The following AGR3 variants were observed in gnomAD, a reference collection of about 807,000 sequenced individuals.
AGR3 encodes anterior gradient 3, protein disulphide isomerase family member.
AGR3 carries 37 observed loss-of-function variants against 24.5 expected under a neutral mutation model. That is an observed-to-expected ratio of 1.51 (90% CI 1.16 to 1.99). AGR3 has a LOEUF of 1.99. Ranked by LOEUF, AGR3 falls within the 30% of genes most tolerant of loss-of-function variation. The pLI is 0.00. For missense variants in AGR3, 228 were observed against 191.1 expected (o/e 1.19, Z -1.14); for synonymous variants, 75 against 61.6 (o/e 1.22, Z -1.02).
At chr7:16,864,474 G>T in intron 3 of AGR3, 1 of 1,272,116 alleles carries the variant, frequency 7.9e-7, no homozygotes, top group Non-Finnish European at 1.2e-6. Context: ...CATCTCCACT[G>T]TCAGGGTCGA....
At position 16,861,414 on chromosome 7, in the gene AGR3, C is replaced by A. The variant is rs1781640567; in HGVS notation, c.337G>T (p.Gly113Trp). Residue 113 changes from glycine (G) to tryptophan (W), a missense_variant, in exon 6 of 8, where the codon GGG becomes TGG. By Grantham distance (184) the Gly-to-Trp change is radical. Coordinates refer to ENST00000310398, the MANE Select transcript of AGR3 (RefSeq NM_176813.5). ...ETTDKNLSPDGQYVPRIMFVD... is the reference protein window; with the variant it reads ...ETTDKNLSPDWQYVPRIMFVD... ...AACATGATTCTAGGCACATATTGCC[C>A]ATCAGGTGATAAATTCTTATCAGTG... The A allele has an allele frequency of 1.9e-6, 3 of 1,609,964 alleles. No individual in the cohort carries two copies. Among genetic ancestry groups the A allele is most frequent in the East Asian group, 2.2e-5 (1 of 44,660 alleles).
At chr7:16,864,734 T>C (rs192728166) in intron 3 of AGR3, 3 of 1,450,684 alleles carry the variant, frequency 2.1e-6, no homozygotes, top group African/African-American at 2.8e-5. Context: ...CACTGCGGTG[T>C]GTGCGAGGGT....
intron 3 of AGR3, among the ~76,000 whole-genome samples, chr7:16,871,719 A>C (rs979355719): frequency 3.3e-5 from 5 of 152,060 alleles, no homozygotes; most frequent in African/African-American, 4.8e-5. Context: ...GCATGTGCCT[A>C]TAATCCCAGC....
chr7:16,876,858 C>G (rs1306581709), intron 2 of AGR3, among the ~76,000 whole-genome samples: 4 of 152,094 alleles, frequency 2.6e-5, no homozygotes, highest in Non-Finnish European at 5.9e-5. Context: ...AATGTTGATG[C>G]CTTGACGTAT....
At chr7:16,870,257 T>G (rs1347401151) in intron 3 of AGR3, among the ~76,000 whole-genome samples, 6 of 152,128 alleles carry the variant, frequency 3.9e-5, no homozygotes, top group Non-Finnish European at 7.4e-5. Flanking sequence ...AAATATCAAT[T>G]TATTCTCATC....
chr7:16,855,200 T>C (rs753652864), downstream of AGR3, among the ~76,000 whole-genome samples: 1 of 152,336 alleles, frequency 6.6e-6, no homozygotes, highest in Admixed American at 6.5e-5. Context: ...TACAGTACTA[T>C]AGGACACTAA....
At chr7:16,865,491 G>T in intron 3 of AGR3, 1 of 723,242 alleles carries the variant, frequency 1.4e-6, no homozygotes, top group South Asian at 1.5e-5. Context: ...AATTTCTTTG[G>T]GGAACAAGAA....
intron 3 of AGR3, chr7:16,865,185 GT>G (rs1323623498): frequency 9.3e-6 from 7 of 749,572 alleles, no homozygotes; most frequent in Admixed American, 6.6e-5. Context: ...AACCCTATCA[GT>G]TTTTTTTCTT....
At chr7:16,866,513 T>C (rs923137368) in intron 3 of AGR3, among the ~76,000 whole-genome samples, 2 of 152,066 alleles carry the variant, frequency 1.3e-5, no homozygotes, top group Non-Finnish European at 2.9e-5. Flanking sequence ...TGAGTCAGAG[T>C]GTGTGCATTT....
intron 3 of AGR3, among the ~76,000 whole-genome samples, chr7:16,867,443 G>A (rs1358100551): frequency 6.6e-6 from 1 of 152,018 alleles, no homozygotes; most frequent in Non-Finnish European, 1.5e-5. Context: ...TTTGATATAT[G>A]GATATGTTGT....
chr7:16,864,618 G>T, intron 3 of AGR3: 2 of 1,539,522 alleles, frequency 1.3e-6, no homozygotes, highest in South Asian at 2.2e-5. Context: ...TTAGAGCAAG[G>T]TATGGCAGTA....
At chr7:16,863,463 T>C (rs537726428) in intron 3 of AGR3, among the ~76,000 whole-genome samples, 9 of 152,116 alleles carry the variant, frequency 5.9e-5, no homozygotes, top group Non-Finnish European at 1.3e-4. Flanking sequence ...ATTTTAACCA[T>C]AAAAAGTTAA....
At chr7:16,865,769 G>C (rs1458107477) in intron 3 of AGR3, 6 of 752,098 alleles carry the variant, frequency 8.0e-6, no homozygotes, top group Admixed American at 1.8e-5. Flanking sequence ...GCTTGATTCA[G>C]TATGAAACAT....
chr7:16,875,146 G>T (rs908490832), intron 2 of AGR3, among the ~76,000 whole-genome samples: 17 of 151,474 alleles, frequency 1.1e-4, no homozygotes, highest in African/African-American at 3.6e-4. Flanking sequence ...AAAAGAAAAT[G>T]TGTGCTTTTT....
downstream of AGR3, among the ~76,000 whole-genome samples, chr7:16,855,537 C>T (rs1781545893): frequency 6.6e-6 from 1 of 152,148 alleles, no homozygotes. Context: ...CTAACACTCA[C>T]ACAACTTATT....
At chr7:16,857,985 C>T (rs997874168), downstream of AGR3, among the ~76,000 whole-genome samples, 11 of 136,576 alleles carry the variant, frequency 8.1e-5, no homozygotes, top group Admixed American at 2.1e-4. Flanking sequence ...CCATCTAAAA[C>T]ATTTTCTTTT....
intron 3 of AGR3, chr7:16,865,993 C>T: frequency 3.0e-6 from 2 of 666,790 alleles, no homozygotes; most frequent in Non-Finnish European, 5.6e-6. Flanking sequence ...TCTTTTCATG[C>T]ACAGCCAAGT....
At chr7:16,863,842 A>G (rs892046176) in intron 3 of AGR3, among the ~76,000 whole-genome samples, 1 of 151,878 alleles carries the variant, frequency 6.6e-6, no homozygotes, top group African/African-American at 2.4e-5. Flanking sequence ...TTGTACACTT[A>G]TTTGCTAAAC....
chr7:16,855,851 A>G (rs10950635), downstream of AGR3, among the ~76,000 whole-genome samples: 43,200 of 152,034 alleles, frequency 0.28, 6,399 homozygotes, highest in South Asian at 0.39. Context: ...ATTAACTCTA[A>G]TCTAAAAGTC....
Sources: allele counts gnomAD v4.1 joint callset (sites outside exome capture counted in the v4.1 genomes callset), GRCh38; gene constraint gnomAD v4.1.1; transcripts MANE v1.5; gene names NCBI Gene and HGNC (gene_info 2026-07-23, HGNC 2026-07-21).